Variants in ANKS1B observed in about 807,000 individuals in gnomAD.
The protein encoded by ANKS1B is ankyrin repeat and sterile alpha motif domain-containing protein 1B.
A neutral mutation model predicts 148.3 loss-of-function variants in ANKS1B; 36 were observed. The ratio of observed to expected loss-of-function variants is 0.24; its 90% CI spans 0.19 to 0.32. The LOEUF is 0.32. Among genes scored for constraint, ANKS1B ranks in the 10% least tolerant of loss-of-function variants. The pLI is 1.00. For synonymous variants in ANKS1B, 542 were observed against 560.8 expected, an observed-to-expected ratio of 0.97 and a Z score of 0.47; for missense variants, 1,157 against 1,542.6, an observed-to-expected ratio of 0.75 and a Z score of 4.19.
At chr12:99,703,456 C>T (rs973881937) in intron 8 of ANKS1B, among the ~76,000 whole-genome samples, 3 of 152,130 alleles carry the variant, frequency 2.0e-5, no homozygotes, top group African/African-American at 7.2e-5. Flanking sequence ...CTGAAACCCA[C>T]CATGTGTTAT....
chr12:99,015,060 G>A (rs941051113), intron 17 of ANKS1B, among the ~76,000 whole-genome samples: 52 of 152,152 alleles, frequency 3.4e-4, no homozygotes, highest in African/African-American at 1.2e-3. Flanking sequence ...ATAAAGACAC[G>A]TGCACGTTGC....
rs142172424 is a variant in ANKS1B at position 99,762,723 on chromosome 12, A to G, written c.1128+10199T>C. ...AAGAAACTATAAACACAGTAAACAG[A>G]CAACTTACAGAATGGTAGAAAATAT... is the stretch of plus-strand genomic sequence containing the variant. On this transcript the variant is annotated intron_variant, in intron 8 of 26. Coordinates refer to ENST00000683438, the MANE Select transcript of ANKS1B (RefSeq NM_001352186.2). Among the ~76,000 whole-genome samples, 102 of 152,248 alleles carry G rather than the reference A, an allele frequency of 6.7e-4. No individual in the cohort carries two copies. The East Asian group carries it at 0.014, about 21-fold the overall frequency.
At chr12:99,463,993 T>G (rs961583162) in intron 10 of ANKS1B, among the ~76,000 whole-genome samples, 8 of 152,314 alleles carry the variant, frequency 5.3e-5, no homozygotes, top group African/African-American at 1.7e-4. Flanking sequence ...CCTCCCCAAG[T>G]GGGTCCCTGA....
At chr12:99,146,100 TTACATGGAAATA>T (rs1468780770) in intron 15 of ANKS1B, among the ~76,000 whole-genome samples, 1 of 152,092 alleles carries the variant, frequency 6.6e-6, no homozygotes, top group African/African-American at 2.4e-5. Flanking sequence ...ATGGGATAAT[TTACATGGAAATA>T]TATAGAACTT....
intron 24 of ANKS1B, among the ~76,000 whole-genome samples, chr12:98,775,457 TCTC>T (rs1235006039): frequency 1.3e-5 from 2 of 151,840 alleles, no homozygotes; most frequent in Non-Finnish European, 2.9e-5. Flanking sequence ...TCTCTCTCTC[TCTC>T]TTTTTTTTGA....
At chr12:99,895,903 G>C (rs1038849816) in intron 1 of ANKS1B, among the ~76,000 whole-genome samples, 1 of 151,162 alleles carries the variant, frequency 6.6e-6, no homozygotes, top group Admixed American at 6.6e-5. Context: ...CTGCTTTTAC[G>C]TTTCATATTC....
chr12:99,756,480 T>C (rs2061577108), intron 8 of ANKS1B, among the ~76,000 whole-genome samples: 1 of 152,034 alleles, frequency 6.6e-6, no homozygotes. Flanking sequence ...GAAGAATCAA[T>C]ATCGTGAAAA....
chr12:99,241,689 G>C (rs1601978258), intron 14 of ANKS1B, among the ~76,000 whole-genome samples: 1 of 152,294 alleles, frequency 6.6e-6, no homozygotes, highest in East Asian at 1.9e-4. Context: ...ACATCAAGAA[G>C]CTTATCCACC....
intron 14 of ANKS1B, among the ~76,000 whole-genome samples, chr12:99,170,507 A>T (rs757994880): frequency 6.6e-6 from 1 of 152,200 alleles, no homozygotes; most frequent in Non-Finnish European, 1.5e-5. Context: ...TGAAAAAAGC[A>T]CTGTAACTTA....
At chr12:99,050,493 T>C in intron 17 of ANKS1B, among the ~76,000 whole-genome samples, 1 of 152,060 alleles carries the variant, frequency 6.6e-6, no homozygotes, top group South Asian at 2.1e-4. Context: ...CAGCTTACTT[T>C]AAGGAAAATA....
At chr12:98,941,466 C>T (rs1046467062) in intron 17 of ANKS1B, among the ~76,000 whole-genome samples, 10 of 152,210 alleles carry the variant, frequency 6.6e-5, no homozygotes, top group South Asian at 2.1e-4. Flanking sequence ...TGTTTGACTT[C>T]GCCTGGGCAT....
intron 9 of ANKS1B, among the ~76,000 whole-genome samples, chr12:99,566,834 T>TTA (rs1331467247): frequency 2.6e-5 from 4 of 152,198 alleles, no homozygotes; most frequent in Non-Finnish European, 5.9e-5. Flanking sequence ...TGGTATTCTG[T>TTA]TACAGCAACA....
intron 1 of ANKS1B, among the ~76,000 whole-genome samples, chr12:99,927,212 G>C (rs570557515): frequency 6.6e-6 from 1 of 152,048 alleles, no homozygotes; most frequent in Non-Finnish European, 1.5e-5. Context: ...TATACCTGAA[G>C]CTTAGCCTCA....
chr12:99,934,159 T>C (rs2094697074), intron 1 of ANKS1B, among the ~76,000 whole-genome samples: 1 of 152,168 alleles, frequency 6.6e-6, no homozygotes, highest in African/African-American at 2.4e-5. Flanking sequence ...GATGTGTTGT[T>C]AGATTTGGCT....
intron 8 of ANKS1B, among the ~76,000 whole-genome samples, chr12:99,740,772 C>A (rs1483069329): frequency 1.3e-5 from 2 of 152,088 alleles, no homozygotes; most frequent in Non-Finnish European, 2.9e-5. Flanking sequence ...GGTGGGGCAT[C>A]CCCTCACCCG....
intron 17 of ANKS1B, among the ~76,000 whole-genome samples, chr12:98,882,219 A>G (rs1021783418): frequency 1.3e-5 from 2 of 152,188 alleles, no homozygotes; most frequent in African/African-American, 4.8e-5. Context: ...ATGTTTTTAA[A>G]CAAGAATGTC....
At chr12:98,966,870 C>G (rs961991983) in intron 17 of ANKS1B, among the ~76,000 whole-genome samples, 24 of 130,584 alleles carry the variant, frequency 1.8e-4, no homozygotes, top group African/African-American at 7.3e-4. Context: ...AGGGGAACAT[C>G]ACACACCGGG....
chr12:99,385,191 G>T (rs1234590563), intron 12 of ANKS1B, among the ~76,000 whole-genome samples: 1 of 152,222 alleles, frequency 6.6e-6, no homozygotes, highest in Non-Finnish European at 1.5e-5. Context: ...CTAATAGGCT[G>T]AGTGTAGTGG....
intron 15 of ANKS1B, among the ~76,000 whole-genome samples, chr12:99,135,895 G>T (rs2067875022): frequency 6.6e-6 from 1 of 152,116 alleles, no homozygotes; most frequent in Non-Finnish European, 1.5e-5. Flanking sequence ...GCTTCGGACA[G>T]GAAGACTAAG....
Sources: gnomAD v4.1 joint callset for allele counts (sites outside exome capture counted in the v4.1 genomes callset) on GRCh38, gnomAD v4.1.1 for gene constraint, MANE v1.5 for transcripts, NCBI Gene and HGNC (gene_info 2026-07-23, HGNC 2026-07-21) for gene names.